Variants in SH3BGRL2 observed in about 807,000 individuals in gnomAD.
SH3BGRL2 encodes the protein SH3 domain binding glutamate rich protein like 2.
A neutral mutation model predicts 14.8 loss-of-function variants in SH3BGRL2; 21 were observed. That is an observed-to-expected ratio of 1.42 (90% confidence interval 1.01 to 2.05). The LOEUF is 2.05. Ranked by LOEUF, SH3BGRL2 falls within the 30% of genes most tolerant of loss-of-function variation. The pLI, the probability that SH3BGRL2 is intolerant of heterozygous loss-of-function variation, is 0.00. For synonymous variants in SH3BGRL2, 50 were observed against 47.8 expected (o/e 1.05, Z -0.19); for missense variants, 147 against 130.8 (o/e 1.12, Z -0.61).
At chr6:79,686,043 A>G (rs894621357) in intron 2 of SH3BGRL2, among the ~76,000 whole-genome samples, 5 of 152,200 alleles carry the variant, frequency 3.3e-5, no homozygotes, top group Non-Finnish European at 5.9e-5. Context: ...AATATAAAAG[A>G]CTAGATTTAA....
intron 1 of SH3BGRL2, among the ~76,000 whole-genome samples, chr6:79,632,131 G>T (rs1044591264): frequency 1.3e-5 from 2 of 152,062 alleles, no homozygotes; most frequent in Non-Finnish European, 1.5e-5. Flanking sequence ...AAATGTGTGT[G>T]TATGCACGCA....
intron 3 of SH3BGRL2, 44 bp from the exon 4 acceptor site, chr6:79,699,454 A>G: frequency 6.6e-7 from 1 of 1,504,884 alleles, no homozygotes; most frequent in South Asian, 1.3e-5. Flanking sequence ...GATGTAATGC[A>G]ATAACTGACT....
chr6:79,586,759 T>C, the SH3BGRL2 span, among the ~76,000 whole-genome samples: 1 of 152,190 alleles, frequency 6.6e-6, no homozygotes, highest in African/African-American at 2.4e-5. Flanking sequence ...AAATTCTCCC[T>C]TGTGGTCAGA....
chr6:79,676,408 T>A (rs1769882679), intron 2 of SH3BGRL2, among the ~76,000 whole-genome samples: 1 of 152,144 alleles, frequency 6.6e-6, no homozygotes, highest in Non-Finnish European at 1.5e-5. Context: ...TCACCATACC[T>A]TCACAACAGA....
intron 1 of SH3BGRL2, among the ~76,000 whole-genome samples, chr6:79,649,732 C>T (rs769684405): frequency 1.6e-4 from 25 of 152,098 alleles, no homozygotes; most frequent in Non-Finnish European, 2.9e-4. Flanking sequence ...TGCCCTGGCT[C>T]TATAGGCATG....
At chr6:79,672,551 G>A (rs1024994358) in intron 1 of SH3BGRL2, among the ~76,000 whole-genome samples, 3 of 151,634 alleles carry the variant, frequency 2.0e-5, no homozygotes, top group Non-Finnish European at 2.9e-5. Flanking sequence ...TTCTTTTTAA[G>A]CTGCATACTA....
rs1210642399 is a variant in SH3BGRL2 at position 79,702,545 on chromosome 6, T to C, written c.*3036T>C. The C allele has an allele frequency of 3.9e-5, 6 of 152,382 alleles. No individual in the cohort carries two copies. The East Asian group carries it at 9.6e-4, about 24-fold the overall frequency. 9.4% of individuals were successfully genotyped at this position (152,382 alleles called of 1,614,324 possible). A position where few individuals can be genotyped will look rare whatever the true frequency, so the allele number is the denominator to read the frequency against. On this transcript the variant is annotated 3_prime_UTR_variant, in exon 4 of 4. Transcript: ENST00000369838. ...TGGAGTGTTTGTTCCCTGCCATTTTTCACACCTCTCTTAATTTTAGTTCTG... is the reference window on the plus strand; with the variant it reads ...TGGAGTGTTTGTTCCCTGCCATTTTCCACACCTCTCTTAATTTTAGTTCTG...
At position 79,669,536 on chromosome 6, in the gene SH3BGRL2, C is replaced by A. The variant is rs1428901732; in HGVS notation, c.46-4078C>A. 2.7e-5 allele frequency among the ~76,000 whole-genome samples: 4 copies of A among 148,282 alleles called. No homozygotes were observed. In the East Asian group the frequency reaches 8.0e-4, roughly 30 times the overall value. On this transcript the variant is annotated intron_variant, in intron 1 of 3. Coordinates refer to ENST00000369838, the MANE Select transcript of SH3BGRL2 (RefSeq NM_031469.4). ...ATGGCCTGATCTCTGCTTACTGCAA[C>A]CAGGTTCAAGTGATTCTCCTGCCTC...
intron 1 of SH3BGRL2, among the ~76,000 whole-genome samples, chr6:79,656,124 G>A (rs1421689661): frequency 6.6e-6 from 1 of 152,250 alleles, no homozygotes; most frequent in Non-Finnish European, 1.5e-5. Flanking sequence ...TCTGTGTAAA[G>A]TGGTTTAGAG....
the SH3BGRL2 span, among the ~76,000 whole-genome samples, chr6:79,625,227 TATATATACAC>T: frequency 2.9e-4 from 40 of 138,054 alleles, no homozygotes; most frequent in African/African-American, 1.1e-3. Context: ...CACACACATA[TATATATACAC>T]ATATATATAT....
intron 1 of SH3BGRL2, among the ~76,000 whole-genome samples, chr6:79,661,726 T>A (rs1769552495): frequency 6.6e-6 from 1 of 152,188 alleles, no homozygotes; most frequent in South Asian, 2.1e-4. Flanking sequence ...ATTCTGACAG[T>A]GGAGTGTTAA....
At chr6:79,550,478 T>C in the SH3BGRL2 span, among the ~76,000 whole-genome samples, 4 of 152,288 alleles carry the variant, frequency 2.6e-5, no homozygotes, top group South Asian at 6.2e-4. Context: ...TTTCCTCTTA[T>C]TTATCACAAC....
At chr6:79,653,536 G>A (rs1769346064) in intron 1 of SH3BGRL2, among the ~76,000 whole-genome samples, 1 of 152,066 alleles carries the variant, frequency 6.6e-6, no homozygotes, top group Admixed American at 6.6e-5. Flanking sequence ...TGATTATTTG[G>A]CAATATTTAT....
At chr6:79,639,983 T>C (rs1194709096) in intron 1 of SH3BGRL2, among the ~76,000 whole-genome samples, 1 of 152,248 alleles carries the variant, frequency 6.6e-6, no homozygotes, top group Non-Finnish European at 1.5e-5. Context: ...TGGGGACTCT[T>C]CTACTTCAGG....
chr6:79,572,110 CTA>C, the SH3BGRL2 span, among the ~76,000 whole-genome samples: 1,170 of 152,268 alleles, frequency 7.7e-3, 6 homozygotes, highest in Non-Finnish European at 9.6e-3. Context: ...AGTTTTTCCA[CTA>C]GTGTCCTTTT....
chr6:79,542,118 C>G, the SH3BGRL2 span, among the ~76,000 whole-genome samples: 1 of 152,168 alleles, frequency 6.6e-6, no homozygotes, highest in Admixed American at 6.5e-5. Flanking sequence ...ACAGTCTATC[C>G]CTCTTCTCTC....
intron 2 of SH3BGRL2, among the ~76,000 whole-genome samples, chr6:79,678,687 C>T (rs908507156): frequency 6.6e-6 from 1 of 152,072 alleles, no homozygotes; most frequent in African/African-American, 2.4e-5. Flanking sequence ...ACAGGGAGTA[C>T]ATGTGCAGGT....
the SH3BGRL2 span, among the ~76,000 whole-genome samples, chr6:79,562,929 A>G: frequency 6.6e-6 from 1 of 151,848 alleles, no homozygotes; most frequent in Admixed American, 6.6e-5. Context: ...TGTGGGTTGG[A>G]CAAGCTTGGT....
chr6:79,701,424 G>A lies in SH3BGRL2; in HGVS notation c.*1915G>A, dbSNP rs1770453634. 6.6e-6 allele frequency: 1 copy of A among 152,150 alleles called. No homozygotes were observed. Among genetic ancestry groups the A allele is most frequent in the Admixed American group, 6.5e-5 (1 of 15,270 alleles). The allele number at this position is 152,150 out of a possible 1,614,324, so 9.4% of individuals were successfully genotyped here. A position where few individuals can be genotyped will look rare whatever the true frequency, so the allele number is the denominator to read the frequency against. On this transcript the variant is annotated 3_prime_UTR_variant, in exon 4 of 4. Coordinates refer to ENST00000369838, the MANE Select transcript of SH3BGRL2 (RefSeq NM_031469.4). ...ACCAACTTGGTAAGGTTGAGGCTTT[G>A]CAAGTTAACTGCTGGGGTTATAGGA...
Sources: gnomAD v4.1 joint callset for allele counts (sites outside exome capture counted in the v4.1 genomes callset) on GRCh38, gnomAD v4.1.1 for gene constraint, MANE v1.5 for transcripts, NCBI Gene and HGNC (gene_info 2026-07-23, HGNC 2026-07-21) for gene names.